LSP1: variants seen among roughly 807,000 people sequenced by gnomAD.
LSP1 encodes the protein lymphocyte specific protein 1, also known as lymphocyte-specific protein 1.
In LSP1, 32 loss-of-function variants were observed where a neutral mutation model predicts 49.3. The ratio of observed to expected loss-of-function variants is 0.65; its 90% CI spans 0.49 to 0.87. The LOEUF is 0.87. Ranked by LOEUF, LSP1 falls within the 40% of genes least tolerant of loss-of-function variation. LSP1 has a pLI of 0.00. For synonymous variants in LSP1, 179 were observed against 178.8 expected (o/e 1.00, Z -0.01); for missense variants, 428 against 442.6 (o/e 0.97, Z 0.30).
At chr11:1,869,791 G>T (rs1441625028) in intron 1 of LSP1, 3 of 328,884 alleles carry the variant, frequency 9.1e-6, no homozygotes, top group Non-Finnish European at 1.8e-5. Context: ...CCCCACAGAG[G>T]AGGGGGCGTG....
In LSP1 at chr11:1,857,062, G is replaced by A. The variant is rs373909283; in HGVS notation, c.53+3865G>A. ...TCCCTGGGGAGGTCCCCTTCCTCCTGCCCTGGGTAAGGGGTCTGAGGCATC... is the reference window on the plus strand; with the variant it reads ...TCCCTGGGGAGGTCCCCTTCCTCCTACCCTGGGTAAGGGGTCTGAGGCATC... On this transcript the variant is annotated intron_variant, in intron 1 of 10. Transcript: ENST00000311604. 5.3e-5 allele frequency among the ~76,000 whole-genome samples: 8 copies of A among 152,210 alleles called. No homozygotes were observed. In the East Asian group the frequency reaches 1.3e-3, roughly 26 times the overall value.
intron 7 of LSP1, 27 bp from the exon 8 acceptor site, chr11:1,886,705 A>G: frequency 6.3e-7 from 1 of 1,591,448 alleles, no homozygotes; most frequent in Non-Finnish European, 8.6e-7. Context: ...CCACTAAGGT[A>G]ATCCTGATGC....
At chr11:1,890,275 C>A (rs779498520) in intron 10 of LSP1, 85 of 712,952 alleles carry the variant, frequency 1.2e-4, no homozygotes, top group Middle Eastern at 6.9e-4. Flanking sequence ...ATGCGGGGAG[C>A]CTCGGCGGGG....
intron 3 of LSP1, among the ~76,000 whole-genome samples, chr11:1,882,599 G>A (rs1208268228): frequency 2.6e-5 from 4 of 152,024 alleles, no homozygotes; most frequent in African/African-American, 9.7e-5. Flanking sequence ...AGGCCTAGGC[G>A]GGCGAGGCTG....
At chr11:1,860,354 T>C (rs908454740) in intron 1 of LSP1, among the ~76,000 whole-genome samples, 64 of 151,868 alleles carry the variant, frequency 4.2e-4, no homozygotes, top group African/African-American at 1.3e-3. Flanking sequence ...CATGGATCGA[T>C]GGACAGGTGG....
intron 1 of LSP1, 37 bp from the exon 2 acceptor site, chr11:1,880,050 G>A (rs370864872): frequency 3.7e-6 from 6 of 1,603,062 alleles, no homozygotes; most frequent in Admixed American, 1.7e-5. Flanking sequence ...CACCTGTGTC[G>A]GCTGTGGCGT....
chr11:1,888,967 C>A (rs1848868765), intron 10 of LSP1: 2 of 523,150 alleles, frequency 3.8e-6, no homozygotes, highest in Admixed American at 7.3e-5. Flanking sequence ...CCTGACCACC[C>A]TCCTAACCAT....
intron 1 of LSP1, chr11:1,864,415 G>A (rs984112204): frequency 1.6e-5 from 3 of 186,746 alleles, no homozygotes; most frequent in Non-Finnish European, 3.0e-5. Flanking sequence ...AGGGGAGACC[G>A]AGAAGCGGGC....
intron 1 of LSP1, among the ~76,000 whole-genome samples, chr11:1,860,081 C>T (rs993165665): frequency 1.3e-5 from 2 of 152,214 alleles, no homozygotes; most frequent in Non-Finnish European, 2.9e-5. Flanking sequence ...AGGTGTTCAG[C>T]CTCCTGGGCC....
rs368886999 is a variant in LSP1, at chr11:1,884,547, A to G, written c.683A>G (p.Asp228Gly). 2.1e-5 allele frequency: 34 copies of G among 1,613,900 alleles called. No individual in the cohort carries two copies. Among genetic ancestry groups the G allele is most frequent in the Non-Finnish European group, 2.9e-5 (34 of 1,179,924 alleles). Residue 228 changes from aspartate (D) to glycine (G), a missense_variant, in exon 7 of 11, where the codon GAT becomes GGT. By Grantham distance (94) the Asp-to-Gly change is moderately conservative. Coordinates refer to ENST00000311604, the MANE Select transcript of LSP1 (RefSeq NM_002339.3). This position sits in a 1 kb window ranked among gnomAD's most constrained non-coding sequence, Gnocchi z 4.1. ...SQPDLPISKI[D>G]QWLEQYTQAI... Reference sequence around the variant, plus strand: ...CCAGACTTGCCCATCTCCAAGATTGATCAGTGGCTGGAACAATACACCCAG... The same window carrying G: ...CCAGACTTGCCCATCTCCAAGATTGGTCAGTGGCTGGAACAATACACCCAG...
intron 10 of LSP1, chr11:1,889,128 G>T: frequency 1.6e-6 from 1 of 627,824 alleles, no homozygotes. Flanking sequence ...TGGGCTCTGG[G>T]GGCCATTCTG....
intron 1 of LSP1, among the ~76,000 whole-genome samples, chr11:1,855,637 C>T (rs61868760): frequency 0.25 from 37,431 of 152,192 alleles, 5,568 homozygotes; most frequent in Admixed American, 0.33. Flanking sequence ...TGACCCTGGG[C>T]GGGGTCCAGG....
At chr11:1,868,617 G>A (rs1412585019) in intron 1 of LSP1, 3 of 979,688 alleles carry the variant, frequency 3.1e-6, no homozygotes, top group East Asian at 2.2e-4. Flanking sequence ...GGGTGTGGCT[G>A]CCTTGGGCCC....
rs945925029 is a variant in LSP1, at chr11:1,866,811, G to T, written c.54-13276G>T. The T allele has an allele frequency of 2.6e-6, 4 of 1,550,102 alleles. No homozygotes were observed. In the East Asian group the frequency reaches 9.8e-5, roughly 38 times the overall value. ...AAGGAAGTGCAGCCCCCGGAGGAGG[G>T]GCAGAGCCCCTGCCTGGCTGTGCGG... On this transcript the variant is annotated intron_variant, in intron 1 of 10. Transcript: ENST00000311604.
rs1365356176 is a variant in LSP1, at chr11:1,883,684, C to A, written c.498+124C>A. 10 of 1,243,916 alleles carry A rather than the reference C, an allele frequency of 8.0e-6. No individual in the cohort carries two copies. The East Asian group carries it at 2.3e-4, about 28-fold the overall frequency. The allele number at this position is 1,243,916 out of a possible 1,614,324, so 77.1% of individuals were successfully genotyped here. A position where few individuals can be genotyped will look rare whatever the true frequency, so the allele number is the denominator to read the frequency against. On this transcript the variant is annotated intron_variant, in intron 4 of 10. Coordinates refer to ENST00000311604, the MANE Select transcript of LSP1 (RefSeq NM_002339.3). Reference sequence around the variant, plus strand: ...CAGAGTGGGTCAGCACCCCACACCCCTAGACCTTGCAGCCCCTTCTGGGCC... The same window carrying A: ...CAGAGTGGGTCAGCACCCCACACCCATAGACCTTGCAGCCCCTTCTGGGCC...
chr11:1,869,848 G>A (rs1847924010), intron 1 of LSP1: 2 of 465,430 alleles, frequency 4.3e-6, no homozygotes, highest in Non-Finnish European at 4.4e-6. Context: ...TTCTGCACCC[G>A]GACTGGGACC....
chr11:1,869,169 G>T, intron 1 of LSP1: 1 of 263,044 alleles, frequency 3.8e-6, no homozygotes, highest in Non-Finnish European at 6.2e-6. Flanking sequence ...GGAGGCTTGA[G>T]GGTCGGCTGC....
In LSP1 at chr11:1,883,966, C is replaced by T. The variant is rs755491188; in HGVS notation, c.533C>T (p.Pro178Leu). 2 of 1,611,896 alleles carry T rather than the reference C, an allele frequency of 1.2e-6. No individual in the cohort carries two copies. The highest frequency in any genetic ancestry group is 8.5e-7 in the Non-Finnish European group (1 of 1,179,376). ...QKCQQPRTPSPLVLEGTIEQS... is the reference protein window; with the variant it reads ...QKCQQPRTPSLLVLEGTIEQS... ...TGTCAGCAGCCCAGGACACCCAGCC[C>T]CTTGGTCTTGGAGGGGACCATCGAA... is the stretch of plus-strand genomic sequence containing the variant. The change falls in exon 5 of 11, where the codon CCC becomes CTC. Residue 178 changes from proline (P) to leucine (L), a missense_variant. Pro to Leu is a moderately conservative substitution (Grantham distance 98). Coordinates refer to ENST00000311604, the MANE Select transcript of LSP1 (RefSeq NM_002339.3).
At chr11:1,874,058 C>CAGGGAGGCCGGCGGAGG (rs1848186816) in intron 1 of LSP1, among the ~76,000 whole-genome samples, 1 of 34,450 alleles carries the variant, frequency 2.9e-5, no homozygotes, top group Non-Finnish European at 5.4e-5. Flanking sequence ...GCTGGCAGAG[C>CAGGGAGGCCGGCGGAGG]AGGGAGGCCG....
Sources: gnomAD v4.1 joint callset for allele counts (sites outside exome capture counted in the v4.1 genomes callset) on GRCh38, gnomAD v4.1.1 for gene constraint, Gnocchi (gnomAD v3.1) non-coding constraint, MANE v1.5 for transcripts, NCBI Gene and HGNC (gene_info 2026-07-23, HGNC 2026-07-21) for gene names.